The following B3GAT3 variants were observed in gnomAD, a reference collection of about 807,000 sequenced individuals.
B3GAT3 encodes the protein galactosylgalactosylxylosylprotein 3-beta-glucuronosyltransferase 3.
In B3GAT3, 19 loss-of-function variants were observed where a neutral mutation model predicts 33.1. The ratio of observed to expected loss-of-function variants is 0.57; its 90% CI spans 0.40 to 0.84. B3GAT3 has a LOEUF of 0.84. B3GAT3 is among the 40% of genes least tolerant of loss of function. The pLI is 0.00. For synonymous variants in B3GAT3, 167 were observed against 193.5 expected (o/e 0.86, Z 1.14); for missense variants, 344 against 441.5 (o/e 0.78, Z 1.98).
rs201549276 is a variant in B3GAT3 at position 62,618,990 on chromosome 11, A to G, written c.257+1507T>C. ...AGAGTGAGACTCCATCTCGGGAAAA[A>G]AAAAAAAAAAATTAGCCTGGTGTGG... On this transcript the variant is annotated intron_variant, in intron 2 of 4. Coordinates refer to ENST00000265471, the MANE Select transcript of B3GAT3 (RefSeq NM_012200.4). Among the ~76,000 whole-genome samples, 24 of 145,878 alleles carry G rather than the reference A, an allele frequency of 1.6e-4. No individual in the cohort carries two copies. In the East Asian group the frequency reaches 4.4e-3, roughly 27 times the overall value.
At position 62,620,621 on chromosome 11, in the gene B3GAT3, G is replaced by C. The variant is rs1214385150; in HGVS notation, c.133C>G (p.Arg45Gly). The change falls in exon 2 of 5, where the codon CGG becomes GGG. Residue 45 changes from arginine to glycine, a missense_variant. Transcript: ENST00000265471. ...PPLRAAAEQL[R>G]QKDLRISQLQ... is the part of the protein sequence containing the mutation. ...TGGGAAATCCTCAGATCCTTCTGCCGTAGCTGCTCGGCTGCTGCCCGCAGG... is the reference window on the plus strand; with the variant it reads ...TGGGAAATCCTCAGATCCTTCTGCCCTAGCTGCTCGGCTGCTGCCCGCAGG... 2 of 1,612,480 alleles carry C rather than the reference G, an allele frequency of 1.2e-6. No homozygotes were observed. The highest frequency in any genetic ancestry group is 1.3e-5 in the African/African-American group (1 of 75,040).
chr11:62,617,060 G>A lies in B3GAT3; in HGVS notation c.545C>T (p.Pro182Leu). Reference protein sequence around the residue: ...GGAVGGEKDPPPPGTQGVVYF... With the variant: ...GGAVGGEKDPLPPGTQGVVYF... ...GACGACTCCTTGGGTCCCTGGTGGTGGTGGGTCCTTCTCCCCACCCACAGC... is the reference window on the plus strand; with the variant it reads ...GACGACTCCTTGGGTCCCTGGTGGTAGTGGGTCCTTCTCCCCACCCACAGC... The change falls in exon 3 of 5, where the codon CCA (proline) becomes CTA (leucine). Residue 182 changes from proline (P) to leucine (L), a missense_variant. Pro to Leu is a moderately conservative substitution (Grantham distance 98). Transcript: ENST00000265471. 6.2e-7 allele frequency: 1 copy of A among 1,614,166 alleles called. No individual in the cohort carries two copies. The highest frequency in any genetic ancestry group is 1.1e-5 in the South Asian group (1 of 91,086).
At position 62,621,983 on chromosome 11, in the gene B3GAT3, C is replaced by A; in HGVS notation, c.-36G>T. 6.2e-7 allele frequency: 1 copy of A among 1,610,956 alleles called. No homozygotes were observed. On this transcript the variant is annotated 5_prime_UTR_variant, in exon 1 of 5. Transcript: ENST00000265471. ...CCGCCCGCGCCCGAGCAGGCGGGGTCTGCAGGGGACGAGGGGTTCCCGCCC... is the reference window on the plus strand; with the variant it reads ...CCGCCCGCGCCCGAGCAGGCGGGGTATGCAGGGGACGAGGGGTTCCCGCCC...
chr11:62,620,778 G>C (rs1157322541), intron 1 of B3GAT3, 107 bp from the exon 2 acceptor site: 1 of 1,137,774 alleles, frequency 8.8e-7, no homozygotes, highest in Non-Finnish European at 1.3e-6. Flanking sequence ...AACCAATGCA[G>C]GTATCACCTT....
intron 2 of B3GAT3, among the ~76,000 whole-genome samples, chr11:62,618,282 T>G (rs1300012502): frequency 1.3e-5 from 2 of 150,014 alleles, no homozygotes; most frequent in African/African-American, 4.9e-5. Context: ...TGTGAGACAA[T>G]TTGGGAAAAT....
chr11:62,620,822 G>A (rs1045549795), intron 1 of B3GAT3, 151 bp from the exon 2 acceptor site: 64 of 710,062 alleles, frequency 9.0e-5, no homozygotes, highest in South Asian at 1.3e-4. Flanking sequence ...TATACCTCTC[G>A]TGTGGGAAAC....
At chr11:62,618,656 A>G (rs1330441283) in intron 2 of B3GAT3, among the ~76,000 whole-genome samples, 2 of 146,640 alleles carry the variant, frequency 1.4e-5, no homozygotes, top group South Asian at 2.2e-4. Context: ...GCGAGACTCC[A>G]TCTCAAAAAA....
At chr11:62,621,251 C>T (rs752528213) in intron 1 of B3GAT3, 10 of 456,564 alleles carry the variant, frequency 2.2e-5, no homozygotes, top group South Asian at 6.2e-5. Context: ...CAGACACAGT[C>T]CCTGCCCTCA....
chr11:62,616,741 C>T lies in B3GAT3; in HGVS notation c.674G>A (p.Arg225Gln), dbSNP rs1485574547. ...VWPVGLVGGL[R>Q]FEGPQVQDGR... ...GTCCTGTACCTGAGGGCCCTCGAAT[C>T]GCAGGCCGCCCACCAGCCCCACAGG... The change falls in exon 4 of 5, where the codon CGA becomes CAA. Residue 225 changes from arginine to glutamine, a missense_variant. Physicochemically the swap from Arg to Gln is conservative, Grantham distance 43. Coordinates refer to ENST00000265471, the MANE Select transcript of B3GAT3 (RefSeq NM_012200.4). 3 of 1,613,984 alleles carry T rather than the reference C, an allele frequency of 1.9e-6. No homozygotes were observed. Among genetic ancestry groups the T allele is most frequent in the South Asian group, 2.2e-5 (2 of 91,072 alleles).
In B3GAT3 at chr11:62,616,604, A is replaced by T; in HGVS notation, c.811T>A (p.Phe271Ile). The T allele has an allele frequency of 6.2e-7, 1 of 1,614,168 alleles. No homozygotes were observed. The highest frequency in any genetic ancestry group is 8.5e-7 in the Non-Finnish European group (1 of 1,180,022). Residue 271 changes from phenylalanine (F) to isoleucine (I), a missense_variant, in exon 4 of 5, where the codon TTT becomes ATT. Phe to Ile is a conservative substitution (Grantham distance 21, BLOSUM62 0). Transcript: ENST00000265471. ...TGGCCCCGGGGAGCGGTGGAATCAA[A>T]TTGGGCATTGGGCTTATCTAACAGC... ...PLLLDKPNAQ[F>I]DSTAPRGHLE...
Position 62,615,544 on chromosome 11 carries a change from G to C in B3GAT3, c.*157C>G, listed in dbSNP as rs1212664776. ...TGCCACACGGCAGGCTAGGGGAGGG[G>C]TGAAGCAGCAGGACCATGCCCTGGG... On this transcript the variant is annotated 3_prime_UTR_variant, in exon 5 of 5. Transcript: ENST00000265471. 4 of 1,354,632 alleles carry C rather than the reference G, an allele frequency of 3.0e-6. No individual in the cohort carries two copies. The East Asian group carries it at 7.5e-5, about 25-fold the overall frequency. The allele number at this position is 1,354,632 out of a possible 1,614,324, so 83.9% of individuals were successfully genotyped here.
At chr11:62,620,202 TA>T in intron 2 of B3GAT3, among the ~76,000 whole-genome samples, 1 of 152,178 alleles carries the variant, frequency 6.6e-6, no homozygotes, top group East Asian at 1.9e-4. Context: ...TTTGTATTTT[TA>T]GTAGAGACGG....
chr11:62,619,437 A>T lies in B3GAT3; in HGVS notation c.257+1060T>A, dbSNP rs994760698. Among the ~76,000 whole-genome samples the T allele has an allele frequency of 2.6e-5, 4 of 152,198 alleles. No individual in the cohort carries two copies. In the East Asian group the frequency reaches 7.7e-4, roughly 29 times the overall value. ...CCAATTACATTTGATTTAAAACAAA[A>T]GCAAATGTAAATCACTAAATACAGT... On this transcript the variant is annotated intron_variant, in intron 2 of 4. Transcript: ENST00000265471.
At position 62,615,595 on chromosome 11, in the gene B3GAT3, T is replaced by G; in HGVS notation, c.*106A>C. ...CCTGGAGGGGCAGAGGGGCCACTTC[T>G]GGCTCCAAGGGTCAGGACTTGGAAA... On this transcript the variant is annotated 3_prime_UTR_variant, in exon 5 of 5. Coordinates refer to ENST00000265471, the MANE Select transcript of B3GAT3 (RefSeq NM_012200.4). 1.3e-6 allele frequency: 2 copies of G among 1,534,530 alleles called. No individual in the cohort carries two copies. Among genetic ancestry groups the G allele is most frequent in the African/African-American group, 2.7e-5 (2 of 73,190 alleles).
rs563591823 is a variant in B3GAT3, at chr11:62,617,303, C to T, written c.302G>A (p.Ser101Asn). Residue 101 changes from serine (S) to asparagine (N), a missense_variant, in exon 3 of 5, where the codon AGC becomes AAC. Coordinates refer to ENST00000265471, the MANE Select transcript of B3GAT3 (RefSeq NM_012200.4). ...AELVRLSQTLSLVPRLHWLLV... is the reference protein window; with the variant it reads ...AELVRLSQTLNLVPRLHWLLV... ...CAGCCAATGCAGCCGGGGCACCAGG[C>T]TCAGTGTCTGGGACAGTCGTACCAG... 5 of 1,613,260 alleles carry T rather than the reference C, an allele frequency of 3.1e-6. No homozygotes were observed. Among genetic ancestry groups the T allele is most frequent in the Non-Finnish European group, 2.5e-6 (3 of 1,180,030 alleles).
chr11:62,616,429 C>T, intron 4 of B3GAT3, 77 bp downstream of exon 4: 1 of 1,594,428 alleles, frequency 6.3e-7, no homozygotes, highest in Non-Finnish European at 8.6e-7. Flanking sequence ...ACCACCCATT[C>T]CCAGGGTCTC....
chr11:62,619,724 T>TTTTTTTTTTTTTTG (rs1554969086), intron 2 of B3GAT3, among the ~76,000 whole-genome samples: 7 of 137,132 alleles, frequency 5.1e-5, no homozygotes, highest in African/African-American at 1.7e-4. Flanking sequence ...TTTTTTTTTT[T>TTTTTTTTTTTTTTG]CAGAGACAAG....
At chr11:62,616,025 C>T (rs1565074933) in intron 4 of B3GAT3, 11 of 1,345,450 alleles carry the variant, frequency 8.2e-6, no homozygotes, top group African/African-American at 4.4e-5. Flanking sequence ...AGGCGGATCA[C>T]GAGGTCAGGA....
rs767239995 is a variant in B3GAT3 at position 62,616,996 on chromosome 11, C to G, written c.609G>C (p.Leu203=). The change falls in exon 3 of 5, where the codon CTG becomes CTC. Residue 203 remains leucine (L), a synonymous_variant. Transcript: ENST00000265471. The part of the protein sequence containing the change: ...ADDDNTYSRE[L]FEEMRWTRGV... Reference sequence around the variant, plus strand: ...CCATCCTGGTGCTCACCTCCTCAAACAGCTCCCGGCTGTAGGTGTTGTCAT... The same window carrying G: ...CCATCCTGGTGCTCACCTCCTCAAAGAGCTCCCGGCTGTAGGTGTTGTCAT... The G allele has an allele frequency of 6.2e-7, 1 of 1,614,252 alleles. No individual in the cohort carries two copies. Among genetic ancestry groups the G allele is most frequent in the South Asian group, 1.1e-5 (1 of 91,086 alleles).
Sources: allele counts gnomAD v4.1 joint callset (sites outside exome capture counted in the v4.1 genomes callset), GRCh38; gene constraint gnomAD v4.1.1; transcripts MANE v1.5; gene names NCBI Gene and HGNC (gene_info 2026-07-23, HGNC 2026-07-21).